FGF13: variants seen among roughly 807,000 people sequenced by gnomAD.
FGF13 encodes the protein fibroblast growth factor homologous factor 2.
Under a neutral mutation model 19.5 loss-of-function variants are expected in FGF13, and 2 were observed. The ratio of observed to expected loss-of-function variants is 0.10; its 90% CI spans 0.04 to 0.32. The LOEUF is 0.32. Among genes scored for constraint, FGF13 ranks in the 10% least tolerant of loss-of-function variants. The pLI, the probability that FGF13 is intolerant of heterozygous loss-of-function variation, is 1.00. For synonymous variants in FGF13, 72 were observed against 76.9 expected, an observed-to-expected ratio of 0.94 and a Z score of 0.33; for missense variants, 113 against 192.7, an observed-to-expected ratio of 0.59 and a Z score of 2.45.
At chrX:138,990,466 G>C (rs1002033378) in intron 1 of FGF13, 1 of 110,248 alleles carries the variant, frequency 9.1e-6, no homozygotes, top group African/African-American at 3.3e-5. Flanking sequence ...ACATACCCGA[G>C]ACTGGGCAAC....
intron 2 of FGF13, among the ~76,000 whole-genome samples, chrX:138,858,030 A>G (rs1220930269): frequency 4.5e-5 from 5 of 112,097 alleles, no homozygotes; most frequent in African/African-American, 1.6e-4. Flanking sequence ...ATAAGTATTC[A>G]TAGGTTAAAC....
intron 3 of FGF13, among the ~76,000 whole-genome samples, chrX:138,757,949 G>C (rs2090441741): frequency 9.0e-6 from 1 of 111,712 alleles, no homozygotes; most frequent in Non-Finnish European, 1.9e-5. Flanking sequence ...AAGTAGTAAG[G>C]GTAGGAATTG....
intron 3 of FGF13, among the ~76,000 whole-genome samples, chrX:138,659,765 A>G (rs1294128980): frequency 8.9e-6 from 1 of 111,926 alleles, no homozygotes; most frequent in African/African-American, 3.2e-5. Flanking sequence ...GCAGGGACAC[A>G]GATGAAGCTG....
At chrX:139,090,854 A>G (rs1393411572) in intron 1 of FGF13, among the ~76,000 whole-genome samples, 1 of 98,332 alleles carries the variant, frequency 1.0e-5, no homozygotes, top group South Asian at 5.6e-4. Context: ...AGGCAGCAGG[A>G]TTGTTTGAGC....
intron 1 of FGF13, among the ~76,000 whole-genome samples, chrX:138,953,473 ATGTTAAATGACGAGTTGATGGG>A (rs1213364935): frequency 2.7e-5 from 3 of 111,014 alleles, no homozygotes; most frequent in Non-Finnish European, 3.8e-5. Flanking sequence ...GATATACCTA[ATGTTAAATGACGAGTTGATGGG>A]TGCAGCATAC....
chrX:138,779,678 C>T (rs1378577918), intron 3 of FGF13, among the ~76,000 whole-genome samples: 11 of 110,625 alleles, frequency 9.9e-5, no homozygotes, highest in Admixed American at 2.9e-4. Flanking sequence ...AAGACCAAAT[C>T]TACGTCTGAT....
At chrX:139,108,004 C>T (rs1001622394) in intron 1 of FGF13, among the ~76,000 whole-genome samples, 96 of 111,463 alleles carry the variant, frequency 8.6e-4, no homozygotes, top group African/African-American at 2.8e-3. Context: ...ACCAGGAAGA[C>T]TGTGAAGACC....
chrX:138,951,456 A>T (rs963460777), intron 1 of FGF13, among the ~76,000 whole-genome samples: 1 of 112,118 alleles, frequency 8.9e-6, no homozygotes, highest in South Asian at 3.7e-4. Flanking sequence ...AGAACAGAAA[A>T]AGATTAAGTA....
At chrX:138,693,923 G>C (rs973544331) in intron 3 of FGF13, among the ~76,000 whole-genome samples, 4 of 111,642 alleles carry the variant, frequency 3.6e-5, no homozygotes, top group Middle Eastern at 5.1e-3. Flanking sequence ...AATTCTATTA[G>C]ATTTTTAAGC....
chrX:138,742,491 T>G (rs1219935094), upstream of FGF13, among the ~76,000 whole-genome samples: 6 of 51,643 alleles, frequency 1.2e-4, no homozygotes, highest in Admixed American at 1.1e-3. Context: ...AGCAAGGGGC[T>G]CTCTCTCTCT....
intron 1 of FGF13, among the ~76,000 whole-genome samples, chrX:139,181,484 C>A (rs753732978): frequency 2.7e-5 from 3 of 112,886 alleles, no homozygotes; most frequent in Non-Finnish European, 5.6e-5. Flanking sequence ...TGCAGAGAGT[C>A]CAGGCCTTTG....
At chrX:138,975,047 T>G (rs2091934430) in intron 1 of FGF13, among the ~76,000 whole-genome samples, 1 of 112,671 alleles carries the variant, frequency 8.9e-6, no homozygotes, top group Non-Finnish European at 1.9e-5. Context: ...ACTTTGATGG[T>G]TGTGCTCAGG....
chrX:138,950,000 C>A lies in FGF13; in HGVS notation c.-112-85350G>T, dbSNP rs781320076. On this transcript the variant is annotated intron_variant, in intron 1 of 2. Transcript: ENST00000421460. ...GCATTAGCAGAAAACAACTTACATA[C>A]ACAATCCTCTCCCTCCCCATCCCCT... Among the ~76,000 whole-genome samples, 3 of 111,851 alleles carry A rather than the reference C, an allele frequency of 2.7e-5. No homozygotes were observed. In the East Asian group the frequency reaches 8.5e-4, roughly 32 times the overall value.
rs191270583 is a variant in FGF13 at position 138,679,379 on chromosome X, C to A, written c.402+23605G>T. On this transcript the variant is annotated intron_variant, in intron 3 of 4. Transcript: ENST00000315930. ...CAGGCACGAGCCACCACACCCAGCCCCATACTCCATTTTTTATTAAGGATT... is the reference window on the plus strand; with the variant it reads ...CAGGCACGAGCCACCACACCCAGCCACATACTCCATTTTTTATTAAGGATT... Among the ~76,000 whole-genome samples the A allele has an allele frequency of 7.3e-4, 81 of 111,129 alleles. 2 individuals are homozygous for A. The East Asian group carries it at 0.022, about 30-fold the overall frequency.
At chrX:138,969,889 A>G (rs1449826381) in intron 1 of FGF13, among the ~76,000 whole-genome samples, 1 of 111,878 alleles carries the variant, frequency 8.9e-6, no homozygotes, top group African/African-American at 3.3e-5. Flanking sequence ...TGGCTGACTC[A>G]CCTACCATAA....
chrX:138,772,660 G>A (rs1175732728), intron 3 of FGF13, among the ~76,000 whole-genome samples: 1 of 111,341 alleles, frequency 9.0e-6, no homozygotes, highest in Admixed American at 9.6e-5. Flanking sequence ...TCAAAGGCAC[G>A]TTCTGCTAAC....
At chrX:138,908,976 C>A (rs1002975625) in intron 1 of FGF13, among the ~76,000 whole-genome samples, 1 of 111,857 alleles carries the variant, frequency 8.9e-6, no homozygotes, top group African/African-American at 3.3e-5. Flanking sequence ...GAAATGGAAA[C>A]AAGTATTATT....
In FGF13 at chrX:138,997,638, G is replaced by A. The variant is rs753688364; in HGVS notation, c.-112-132988C>T. On this transcript the variant is annotated intron_variant, in intron 1 of 2. Coordinates refer to the FGF13 transcript ENST00000421460. ...CGAGAAGACAAGACTAGAGAAAAAA[G>A]AGTAAAAAGAAATAAACAAAGCCTC... Among the ~76,000 whole-genome samples the A allele has an allele frequency of 3.9e-3, 439 of 111,652 alleles. 1 individual carries two copies. The highest frequency in any genetic ancestry group is 0.013 in the African/African-American group (413 of 30,670).
At chrX:138,898,160 T>G (rs764060081) in intron 1 of FGF13, among the ~76,000 whole-genome samples, 4 of 111,211 alleles carry the variant, frequency 3.6e-5, no homozygotes, top group Admixed American at 9.6e-5. Context: ...CAATACAAAT[T>G]ATGACTTCCT....
Sources: gnomAD v4.1 joint callset for allele counts (sites outside exome capture counted in the v4.1 genomes callset) on GRCh38, gnomAD v4.1.1 for gene constraint, MANE v1.5 for transcripts, NCBI Gene and HGNC (gene_info 2026-07-23, HGNC 2026-07-21) for gene names.